The following CSNK1G1 variants were observed in gnomAD, a reference collection of about 807,000 sequenced individuals.
CSNK1G1 encodes casein kinase 1 gamma 1, also known as casein kinase I isoform gamma-1.
In CSNK1G1, 22 loss-of-function variants were observed where a neutral mutation model predicts 59.6. The ratio of observed to expected loss-of-function variants is 0.37; its 90% confidence interval spans 0.26 to 0.53. CSNK1G1 has a LOEUF of 0.53. Ranked by LOEUF, CSNK1G1 falls within the 20% of genes least tolerant of loss-of-function variation. The pLI, the probability that CSNK1G1 is intolerant of heterozygous loss-of-function variation, is 0.89. For missense variants in CSNK1G1, 384 were observed against 519.5 expected (o/e 0.74, Z 2.54); for synonymous variants, 179 against 177.1 (o/e 1.01, Z -0.08).
At chr15:64,251,915 G>T (rs1167758809) in intron 3 of CSNK1G1, among the ~76,000 whole-genome samples, 1 of 152,108 alleles carries the variant, frequency 6.6e-6, no homozygotes, top group African/African-American at 2.4e-5. Context: ...ATACCAGAAT[G>T]TATTTCCTGC....
At chr15:64,203,274 T>C (rs550570704) in intron 9 of CSNK1G1, 85 bp from the exon 10 acceptor site, 14 of 840,942 alleles carry the variant, frequency 1.7e-5, no homozygotes, top group South Asian at 1.6e-4. Context: ...CTAATTCTAA[T>C]AGAGTAGTAG....
At position 64,168,727 on chromosome 15, in the gene CSNK1G1, A is replaced by C. The variant is rs2081630495; in HGVS notation, c.*3204T>G. The C allele has an allele frequency of 6.6e-6, 1 of 152,236 alleles. No homozygotes were observed. Among genetic ancestry groups the C allele is most frequent in the African/African-American group, 2.4e-5 (1 of 41,454 alleles). 9.4% of individuals were successfully genotyped at this position (152,236 alleles called of 1,614,324 possible). On this transcript the variant is annotated 3_prime_UTR_variant, in exon 12 of 12. Transcript: ENST00000303052. Reference sequence around the variant, plus strand: ...TGCCCTAACCCCAAGGATCTGGCTGAGGCATACAGCTAAGGAACTGTAGCA... The same window carrying C: ...TGCCCTAACCCCAAGGATCTGGCTGCGGCATACAGCTAAGGAACTGTAGCA...
intron 1 of CSNK1G1, among the ~76,000 whole-genome samples, chr15:64,345,465 A>C (rs1455085076): frequency 6.6e-6 from 1 of 152,210 alleles, no homozygotes; most frequent in East Asian, 1.9e-4. Context: ...CAAGTGACAA[A>C]GGCTCTTGTC....
intron 2 of CSNK1G1, among the ~76,000 whole-genome samples, chr15:64,281,425 G>A (rs1174648929): frequency 2.0e-5 from 3 of 152,242 alleles, no homozygotes; most frequent in East Asian, 3.9e-4. Flanking sequence ...GAGCAACATA[G>A]TGAGACTCCA....
chr15:64,284,666 C>T (rs61052947), intron 2 of CSNK1G1, among the ~76,000 whole-genome samples: 1 of 151,482 alleles, frequency 6.6e-6, no homozygotes, highest in South Asian at 2.1e-4. Flanking sequence ...ATGATCTATC[C>T]CCAGAAACAT....
intron 1 of CSNK1G1, among the ~76,000 whole-genome samples, chr15:64,337,500 A>G (rs1052012694): frequency 2.0e-5 from 3 of 152,008 alleles, no homozygotes; most frequent in African/African-American, 4.8e-5. Context: ...AGGTACCACC[A>G]TGCCTATTTT....
chr15:64,208,754 T>C (rs925579034), intron 6 of CSNK1G1, among the ~76,000 whole-genome samples: 1 of 152,202 alleles, frequency 6.6e-6, no homozygotes, highest in Non-Finnish European at 1.5e-5. Context: ...CAAGCTGGTC[T>C]CAAACTCCTG....
intron 4 of CSNK1G1, among the ~76,000 whole-genome samples, chr15:64,221,322 A>T (rs966075514): frequency 6.6e-6 from 1 of 152,214 alleles, no homozygotes; most frequent in Non-Finnish European, 1.5e-5. Flanking sequence ...AATCCTTAGT[A>T]TCAAATCTAG....
At chr15:64,290,224 A>T (rs1409746961) in intron 2 of CSNK1G1, among the ~76,000 whole-genome samples, 1 of 152,108 alleles carries the variant, frequency 6.6e-6, no homozygotes, top group African/African-American at 2.4e-5. Flanking sequence ...AAAGGAAAAG[A>T]AATCATTACA....
intron 3 of CSNK1G1, 139 bp from the exon 4 acceptor site, chr15:64,251,720 C>T (rs1172933066): frequency 6.5e-6 from 4 of 617,068 alleles, no homozygotes; most frequent in Non-Finnish European, 8.6e-6. Context: ...TTTCTAACCA[C>T]AATTGGTCTT....
In CSNK1G1 at chr15:64,277,794, G is replaced by T. The variant is rs1395894173; in HGVS notation, c.182-18553C>A. 1.3e-4 allele frequency among the ~76,000 whole-genome samples: 16 copies of T among 125,860 alleles called. 1 individual carries two copies. Among genetic ancestry groups the T allele is most frequent in the African/African-American group, 2.8e-4 (9 of 32,360 alleles). The allele number at this position is 125,860 out of a possible 152,430, so 82.6% of individuals were successfully genotyped here. A position where few individuals can be genotyped will look rare whatever the true frequency, so the allele number is the denominator to read the frequency against. ...ATATATTTAATAATATATTAATATT[G>T]ATATATTTAATATATTAATATTGAT... is the stretch of plus-strand genomic sequence containing the variant. On this transcript the variant is annotated intron_variant, in intron 2 of 11. Transcript: ENST00000303052.
At chr15:64,276,039 A>C (rs895066915) in intron 2 of CSNK1G1, among the ~76,000 whole-genome samples, 1 of 152,220 alleles carries the variant, frequency 6.6e-6, no homozygotes, top group Non-Finnish European at 1.5e-5. Flanking sequence ...TGTTAGTAAG[A>C]AAAATGAGAG....
chr15:64,238,494 TAAAAA>T (rs1169739046), intron 4 of CSNK1G1, among the ~76,000 whole-genome samples: 8 of 56,430 alleles, frequency 1.4e-4, no homozygotes, highest in South Asian at 8.7e-4. Context: ...CCCTGTCCCT[TAAAAA>T]AAAAAAAAAA....
intron 2 of CSNK1G1, among the ~76,000 whole-genome samples, chr15:64,271,230 C>T (rs958498717): frequency 3.3e-5 from 5 of 151,028 alleles, no homozygotes; most frequent in Admixed American, 6.6e-5. Context: ...TCAAGTGATC[C>T]GCCTGTCTCA....
intron 9 of CSNK1G1, 132 bp from the exon 10 acceptor site, chr15:64,203,321 T>A: frequency 1.5e-6 from 1 of 672,162 alleles, no homozygotes; most frequent in Non-Finnish European, 2.7e-6. Context: ...TTTCAAGTTG[T>A]CTTGTCTTCT....
intron 2 of CSNK1G1, among the ~76,000 whole-genome samples, chr15:64,278,408 GTGTGTGTGTGTATA>G (rs550508080): frequency 0.039 from 5,149 of 131,840 alleles, 131 homozygotes; most frequent in South Asian, 0.073. Flanking sequence ...GTGTGTGTGT[GTGTGTGTGTGTATA>G]TATATATATA....
At chr15:64,289,830 C>T (rs1894640002) in intron 2 of CSNK1G1, among the ~76,000 whole-genome samples, 1 of 152,066 alleles carries the variant, frequency 6.6e-6, no homozygotes, top group Admixed American at 6.6e-5. Flanking sequence ...CAAATGAAGA[C>T]ATACAAATGA....
At chr15:64,261,729 G>A (rs895925288) in intron 2 of CSNK1G1, among the ~76,000 whole-genome samples, 1 of 152,008 alleles carries the variant, frequency 6.6e-6, no homozygotes, top group Non-Finnish European at 1.5e-5. Context: ...TGGCTCAAGA[G>A]GTCAGGAGTT....
chr15:64,257,475 G>T (rs1010285443), intron 3 of CSNK1G1, among the ~76,000 whole-genome samples: 34 of 152,200 alleles, frequency 2.2e-4, no homozygotes, highest in African/African-American at 8.2e-4. Context: ...GTGTACTAGA[G>T]AACACTTTTA....
Sources: allele counts gnomAD v4.1 joint callset (sites outside exome capture counted in the v4.1 genomes callset), GRCh38; gene constraint gnomAD v4.1.1; transcripts MANE v1.5; gene names NCBI Gene and HGNC (gene_info 2026-07-23, HGNC 2026-07-21).